The following PTPN14 variants were observed in gnomAD, a reference collection of about 807,000 sequenced individuals.
PTPN14 encodes the protein tyrosine-protein phosphatase non-receptor type 14.
In PTPN14, 53 loss-of-function variants were observed where a neutral mutation model predicts 126.8. The observed-to-expected ratio is 0.42, with a 90% CI of 0.34 to 0.53. The LOEUF is 0.53. PTPN14 is among the 20% of genes least tolerant of loss of function. PTPN14 has a pLI of 0.08. For synonymous variants in PTPN14, 630 were observed against 599.3 expected, an observed-to-expected ratio of 1.05 and a Z score of -0.75; for missense variants, 1,257 against 1,552.9, an observed-to-expected ratio of 0.81 and a Z score of 3.20.
chr1:214,460,938 T>C (rs958942679), intron 2 of PTPN14, among the ~76,000 whole-genome samples: 3 of 152,084 alleles, frequency 2.0e-5, no homozygotes, highest in Non-Finnish European at 4.4e-5. Context: ...TAAGCCCTAA[T>C]GTAAACTCCG....
chr1:214,366,982 T>C (rs866381359), intron 17 of PTPN14, among the ~76,000 whole-genome samples: 16 of 48,496 alleles, frequency 3.3e-4, no homozygotes, highest in African/African-American at 2.1e-3. Flanking sequence ...AGACTCCATC[T>C]CAAAAAAAAA....
chr1:214,353,087 A>T lies in PTPN14; in HGVS notation c.*4835T>A, dbSNP rs1657735895. 1 of 152,006 alleles carries T rather than the reference A, an allele frequency of 6.6e-6. No homozygotes were observed. Among genetic ancestry groups the T allele is most frequent in the African/African-American group, 2.4e-5 (1 of 41,420 alleles). The allele number at this position is 152,006 out of a possible 1,614,324, so 9.4% of individuals were successfully genotyped here. On this transcript the variant is annotated 3_prime_UTR_variant, in exon 19 of 19. Transcript: ENST00000366956. ...CATCCTAGAATGCCCTGTACCCTCC[A>T]TCCCCCCAACCCCCGCACCTCAAGG...
At chr1:214,527,902 A>G (rs916507488) in intron 1 of PTPN14, among the ~76,000 whole-genome samples, 1 of 152,248 alleles carries the variant, frequency 6.6e-6, no homozygotes, top group African/African-American at 2.4e-5. Context: ...CACAGAAAGA[A>G]GAATGGTTAC....
rs1333075282 is a variant in PTPN14, at chr1:214,353,237, C to A, written c.*4685G>T. 6.6e-6 allele frequency: 1 copy of A among 152,194 alleles called. No homozygotes were observed. The highest frequency in any genetic ancestry group is 2.1e-4 in the South Asian group (1 of 4,824). The allele number at this position is 152,194 out of a possible 1,614,324, so 9.4% of individuals were successfully genotyped here. A position where few individuals can be genotyped will look rare whatever the true frequency, so the allele number is the denominator to read the frequency against. On this transcript the variant is annotated 3_prime_UTR_variant, in exon 19 of 19. Transcript: ENST00000366956. ...TGTTCAAGTCTTTTATATAAAATAG[C>A]ACAGTATTTGCATATAACCTATGCA...
chr1:214,445,448 G>A (rs1039940499), intron 3 of PTPN14, among the ~76,000 whole-genome samples: 2 of 151,964 alleles, frequency 1.3e-5, no homozygotes, highest in African/African-American at 4.8e-5. Flanking sequence ...TCCTGGAAAA[G>A]TAGGAAATGT....
chr1:214,425,279 G>C (rs1001508149), intron 3 of PTPN14, among the ~76,000 whole-genome samples: 1 of 152,130 alleles, frequency 6.6e-6, no homozygotes, highest in Admixed American at 6.5e-5. Context: ...ATGCTTTTCT[G>C]GAAGTTAGCC....
At chr1:214,377,912 T>G (rs1489100671) in intron 14 of PTPN14, 47 bp downstream of exon 14, 24 of 1,578,916 alleles carry the variant, frequency 1.5e-5, no homozygotes, top group Non-Finnish European at 2.0e-5. Context: ...TGTTTTGGGA[T>G]CCTAAGACTA....
In PTPN14 at chr1:214,384,727, T is replaced by C; in HGVS notation, c.1128A>G (p.Leu376=). ...LYCNSHNSLD[L]NYLNGTVTNG... ...TGGTGACAGTGCCATTTAAATAATT[T>C]AAGTCCAGGCTGTTGTGAGAGTTGC... The change falls in exon 13 of 19, where the codon TTA becomes TTG. Residue 376 remains leucine, a synonymous_variant. Coordinates refer to ENST00000366956, the MANE Select transcript of PTPN14 (RefSeq NM_005401.5). This position sits in a 1 kb window ranked among gnomAD's most constrained non-coding sequence, Gnocchi z 5.3. 6.2e-7 allele frequency: 1 copy of C among 1,614,110 alleles called. No homozygotes were observed. The highest frequency in any genetic ancestry group is 8.5e-7 in the Non-Finnish European group (1 of 1,180,012).
At chr1:214,550,731 C>T (rs1384078462) in intron 1 of PTPN14, among the ~76,000 whole-genome samples, 5 of 152,208 alleles carry the variant, frequency 3.3e-5, no homozygotes, top group African/African-American at 1.2e-4. Context: ...CTCAAGATTC[C>T]TTCCCGGTGG....
chr1:214,473,593 T>C (rs1471570274), intron 1 of PTPN14, among the ~76,000 whole-genome samples: 3 of 152,216 alleles, frequency 2.0e-5, no homozygotes, highest in Non-Finnish European at 4.4e-5. Context: ...CACAGAGCTA[T>C]GTAATCTTGG....
chr1:214,408,991 G>A (rs1214567989), intron 5 of PTPN14, among the ~76,000 whole-genome samples: 2 of 152,134 alleles, frequency 1.3e-5, no homozygotes, highest in South Asian at 2.1e-4. Flanking sequence ...AATAATAATT[G>A]CATCTATTTA....
At chr1:214,464,608 C>T (rs1327907377) in intron 2 of PTPN14, 22 bp downstream of exon 2, 3 of 1,611,572 alleles carry the variant, frequency 1.9e-6, no homozygotes, top group Admixed American at 1.7e-5. Flanking sequence ...CGCACATGCG[C>T]ACACAGACAC....
intron 3 of PTPN14, among the ~76,000 whole-genome samples, chr1:214,434,925 C>T (rs1269755262): frequency 6.6e-6 from 1 of 152,144 alleles, no homozygotes; most frequent in Admixed American, 6.5e-5. Flanking sequence ...AAGAGGGATT[C>T]AATTTGATGA....
chr1:214,490,563 A>G (rs913682965), intron 1 of PTPN14, among the ~76,000 whole-genome samples: 2 of 152,002 alleles, frequency 1.3e-5, no homozygotes, highest in African/African-American at 4.8e-5. Context: ...AGAAACACAA[A>G]TTGTGGCTCA....
intron 13 of PTPN14, among the ~76,000 whole-genome samples, chr1:214,381,348 G>A (rs974239968): frequency 1.3e-5 from 2 of 152,210 alleles, no homozygotes; most frequent in East Asian, 3.9e-4. Context: ...TGGTCTGGAA[G>A]AAGTATTGAA....
chr1:214,428,415 T>C (rs1158847030), intron 3 of PTPN14, among the ~76,000 whole-genome samples: 1 of 152,214 alleles, frequency 6.6e-6, no homozygotes, highest in Non-Finnish European at 1.5e-5. Flanking sequence ...TAATCTTTCA[T>C]TAAAACCTAC....
At position 214,350,684 on chromosome 1, in the gene PTPN14, G is replaced by A. The variant is rs1431891957; in HGVS notation, c.*7238C>T. 1 of 146,692 alleles carries A rather than the reference G, an allele frequency of 6.8e-6. No homozygotes were observed. The highest frequency in any genetic ancestry group is 2.5e-5 in the African/African-American group (1 of 39,256). The allele number at this position is 146,692 out of a possible 1,614,324, so 9.1% of individuals were successfully genotyped here. A position where few individuals can be genotyped will look rare whatever the true frequency, so the allele number is the denominator to read the frequency against. On this transcript the variant is annotated 3_prime_UTR_variant, in exon 19 of 19. Transcript: ENST00000366956. Reference sequence around the variant, plus strand: ...GCCTCCTGAGTAGCTGGGATTACAGGCATGTGCCACCATGCCTGGCTAATT... The same window carrying A: ...GCCTCCTGAGTAGCTGGGATTACAGACATGTGCCACCATGCCTGGCTAATT...
intron 10 of PTPN14, among the ~76,000 whole-genome samples, chr1:214,391,611 G>A (rs1224034240): frequency 6.7e-6 from 1 of 150,110 alleles, no homozygotes; most frequent in Non-Finnish European, 1.5e-5. Context: ...TGAATTGGAA[G>A]TATTAGCAAA....
intron 1 of PTPN14, among the ~76,000 whole-genome samples, chr1:214,481,391 G>A (rs1227964452): frequency 6.6e-6 from 1 of 150,914 alleles, no homozygotes; most frequent in African/African-American, 2.4e-5. Context: ...TGCGCCTGTA[G>A]TCCCAGCTAC....
Sources: allele counts gnomAD v4.1 joint callset (sites outside exome capture counted in the v4.1 genomes callset), GRCh38; gene constraint gnomAD v4.1.1; non-coding constraint Gnocchi (gnomAD v3.1); transcripts MANE v1.5; gene names NCBI Gene and HGNC (gene_info 2026-07-23, HGNC 2026-07-21).